Variants in LMO3 observed in about 807,000 individuals in gnomAD.
LMO3 encodes the protein LIM domain only 3.
A neutral mutation model predicts 15.8 loss-of-function variants in LMO3; 2 were observed. The ratio of observed to expected loss-of-function variants is 0.13; its 90% CI spans 0.05 to 0.40. The LOEUF is 0.40. Ranked by LOEUF, LMO3 falls within the 10% of genes least tolerant of loss-of-function variation. The probability of loss-of-function intolerance (pLI) is 0.99; values close to 1 mark genes in which losing one functional copy is unlikely to be tolerated. For missense variants in LMO3, 86 were observed against 182.2 expected, an observed-to-expected ratio of 0.47 and a Z score of 3.04; for synonymous variants, 62 against 63.8, an observed-to-expected ratio of 0.97 and a Z score of 0.13.
Position 16,571,179 on chromosome 12 carries a change from T to C in LMO3, c.207-10641A>G, listed in dbSNP as rs191355601. Among the ~76,000 whole-genome samples, 5 of 152,212 alleles carry C rather than the reference T, an allele frequency of 3.3e-5. No homozygotes were observed. In the East Asian group the frequency reaches 7.7e-4, roughly 23 times the overall value. The stretch of plus-strand genomic sequence containing the variant: ...AGGGTTTGGGGCATTGTGTCACCTA[T>C]TGTATAAGTTAAATTTTCCAAAGAA... On this transcript the variant is annotated intron_variant, in intron 2 of 3. Transcript: ENST00000537304.
intron 2 of LMO3, among the ~76,000 whole-genome samples, chr12:16,570,456 A>G (rs776408231): frequency 1.2e-4 from 19 of 152,300 alleles, no homozygotes; most frequent in Admixed American, 3.3e-4. Context: ...AATTTTCAAC[A>G]GAAAAGAAAA....
At position 16,604,814 on chromosome 12, in the gene LMO3, C is replaced by T. The variant is rs1184929875; in HGVS notation, c.-9+1252G>A. 1 of 1,585,522 alleles carries T rather than the reference C, an allele frequency of 6.3e-7. No individual in the cohort carries two copies. On this transcript the variant is annotated intron_variant, in intron 1 of 3. Coordinates refer to ENST00000537304, the MANE Select transcript of LMO3 (RefSeq NM_018640.5). The surrounding 1 kb of genome is among the most constrained non-coding windows in gnomAD (Gnocchi z 5.3). ...AAAAGCAGAAAGGCTTTTGAGCGGC[C>T]AGGAGTGCAGAGCGCCAGCAAAGTG...
At chr12:16,609,457 G>C (rs1944086344), upstream of LMO3, among the ~76,000 whole-genome samples, 1 of 152,110 alleles carries the variant, frequency 6.6e-6, no homozygotes, top group Non-Finnish European at 1.5e-5. Context: ...CAGATCCTTT[G>C]GAAATCTTTG....
chr12:16,594,194 A>G, intron 2 of LMO3: 6 of 1,532,870 alleles, frequency 3.9e-6, no homozygotes, highest in Non-Finnish European at 5.2e-6. Context: ...TGGCCATTCT[A>G]AGGTTACACA....
At chr12:16,566,909 G>A (rs2137395041) in intron 2 of LMO3, among the ~76,000 whole-genome samples, 1 of 152,252 alleles carries the variant, frequency 6.6e-6, no homozygotes, top group South Asian at 2.1e-4. Flanking sequence ...TACAATTTCA[G>A]TAAAAAACTA....
intron 2 of LMO3, among the ~76,000 whole-genome samples, chr12:16,570,892 T>G (rs1441061548): frequency 6.6e-6 from 1 of 152,146 alleles, no homozygotes; most frequent in Non-Finnish European, 1.5e-5. Flanking sequence ...TAGGGTTAAT[T>G]ATTATTACTT....
rs1406986672 is a variant in LMO3, at chr12:16,587,804, T to C, written c.206+12851A>G. Among the ~76,000 whole-genome samples, 1 of 151,810 alleles carries C rather than the reference T, an allele frequency of 6.6e-6. No individual in the cohort carries two copies. The highest frequency in any genetic ancestry group is 2.4e-5 in the African/African-American group (1 of 41,398). Reference sequence around the variant, plus strand: ...TCTAAAAATCTCACTGTGTCCTGAATGGGGGGTTTCAGGGGGAGGGAGAGG... The same window carrying C: ...TCTAAAAATCTCACTGTGTCCTGAACGGGGGGTTTCAGGGGGAGGGAGAGG... On this transcript the variant is annotated intron_variant, in intron 2 of 3. Coordinates refer to ENST00000537304, the MANE Select transcript of LMO3 (RefSeq NM_018640.5). The surrounding 1 kb of genome is among the most constrained non-coding windows in gnomAD (Gnocchi z 4.3).
At chr12:16,578,049 T>C (rs562883862) in intron 2 of LMO3, among the ~76,000 whole-genome samples, 4 of 152,306 alleles carry the variant, frequency 2.6e-5, no homozygotes, top group African/African-American at 9.6e-5. Context: ...CAGTCCTCAG[T>C]AGGCAACAAC....
At chr12:16,605,143 C>G (rs890426799) in intron 1 of LMO3, 170 of 1,394,246 alleles carry the variant, frequency 1.2e-4, no homozygotes, top group Non-Finnish European at 1.6e-4. Context: ...AAAATGATGG[C>G]GAATGACAAA....
rs1030329260 is a variant in LMO3, at chr12:16,604,646, C to G, written c.-9+1420G>C. 8.6e-6 allele frequency: 5 copies of G among 579,050 alleles called. No homozygotes were observed. Among genetic ancestry groups the G allele is most frequent in the African/African-American group, 7.5e-5 (4 of 53,580 alleles). The allele number at this position is 579,050 out of a possible 1,614,324, so 35.9% of individuals were successfully genotyped here. On this transcript the variant is annotated intron_variant, in intron 1 of 3. Transcript: ENST00000537304. This position sits in a 1 kb window ranked among gnomAD's most constrained non-coding sequence, Gnocchi z 5.3. Reference sequence around the variant, plus strand: ...ATGCTCCAGCCTTTTGTGGTTGTGTCTTTGCAGCCACACAGGGATGGTTTG... The same window carrying G: ...ATGCTCCAGCCTTTTGTGGTTGTGTGTTTGCAGCCACACAGGGATGGTTTG...
At chr12:16,568,065 G>T (rs143681874) in intron 2 of LMO3, among the ~76,000 whole-genome samples, 1 of 152,198 alleles carries the variant, frequency 6.6e-6, no homozygotes, top group East Asian at 1.9e-4. Flanking sequence ...TACTACACTG[G>T]CAACAATAGA....
rs2137675052 is a variant in LMO3, at chr12:16,597,162, G to GC, written c.206+3492dup. Among the ~76,000 whole-genome samples, 1 of 151,744 alleles carries GC rather than the reference G, an allele frequency of 6.6e-6. No homozygotes were observed. The highest frequency in any genetic ancestry group is 2.1e-4 in the South Asian group (1 of 4,826). ...TGTTCCACAGCTAAATGAATGATAT[G>GC]CCAGTCCAGTTCTGGAAAGTGAAAA... On this transcript the variant is annotated intron_variant, in intron 2 of 3. Coordinates refer to ENST00000537304, the MANE Select transcript of LMO3 (RefSeq NM_018640.5). This position sits in a 1 kb window ranked among gnomAD's most constrained non-coding sequence, Gnocchi z 5.0.
intron 2 of LMO3, among the ~76,000 whole-genome samples, chr12:16,569,286 AC>A (rs2137419874): frequency 1.3e-5 from 2 of 152,196 alleles, no homozygotes; most frequent in Admixed American, 1.3e-4. Context: ...TTTCCTTCTC[AC>A]TATACTTCTT....
chr12:16,605,379 T>C, intron 1 of LMO3: 2 of 1,187,790 alleles, frequency 1.7e-6, no homozygotes, highest in South Asian at 5.0e-5. Flanking sequence ...TATTAGGATA[T>C]AGGCACCTTG....
chr12:16,583,159 A>T (rs1043466420), intron 2 of LMO3, among the ~76,000 whole-genome samples: 6 of 152,188 alleles, frequency 3.9e-5, no homozygotes, highest in Non-Finnish European at 7.4e-5. Context: ...AGACTGTAAG[A>T]TGATCCCGGA....
chr12:16,557,581 T>C (rs984827291), intron 3 of LMO3, among the ~76,000 whole-genome samples: 1 of 152,110 alleles, frequency 6.6e-6, no homozygotes, highest in Non-Finnish European at 1.5e-5. Flanking sequence ...GCATTTGTTT[T>C]TATACAATCT....
At position 16,568,677 on chromosome 12, in the gene LMO3, A is replaced by G. The variant is rs370718058; in HGVS notation, c.207-8139T>C. On this transcript the variant is annotated intron_variant, in intron 2 of 3. Coordinates refer to ENST00000537304, the MANE Select transcript of LMO3 (RefSeq NM_018640.5). Reference sequence around the variant, plus strand: ...AATCTTTGGATACATTGCATTAAATACGTTGTTTAAAAAACTAATTTCACC... The same window carrying G: ...AATCTTTGGATACATTGCATTAAATGCGTTGTTTAAAAAACTAATTTCACC... 7.2e-5 allele frequency among the ~76,000 whole-genome samples: 11 copies of G among 152,360 alleles called. 1 individual carries two copies. The East Asian group carries it at 1.5e-3, about 21-fold the overall frequency.
intron 3 of LMO3, among the ~76,000 whole-genome samples, chr12:16,553,614 G>A (rs1942075044): frequency 6.6e-6 from 1 of 152,070 alleles, no homozygotes; most frequent in South Asian, 2.1e-4. Flanking sequence ...ACATGGATGA[G>A]GGATGTCACA....
intron 2 of LMO3, among the ~76,000 whole-genome samples, chr12:16,595,956 AGAAT>A (rs1943640877): frequency 6.6e-6 from 1 of 151,532 alleles, no homozygotes; most frequent in Admixed American, 6.6e-5. Context: ...GAAAGAAAAA[AGAAT>A]GAATATTGTA....
Sources: allele counts gnomAD v4.1 joint callset (sites outside exome capture counted in the v4.1 genomes callset), GRCh38; gene constraint gnomAD v4.1.1; non-coding constraint Gnocchi (gnomAD v3.1); transcripts MANE v1.5; gene names NCBI Gene and HGNC (gene_info 2026-07-23, HGNC 2026-07-21).